The following NREP variants were observed in gnomAD, a reference collection of about 807,000 sequenced individuals.
NREP encodes neuronal regeneration-related protein.
Under a neutral mutation model 8.6 loss-of-function variants are expected in NREP, and 5 were observed. The observed-to-expected ratio is 0.58, with a 90% CI of 0.30 to 1.22. The LOEUF is 1.22. NREP is among the 50% of genes most tolerant of loss of function. The pLI is 0.07. For missense variants in NREP, 86 were observed against 82.5 expected (o/e 1.04, Z -0.17); for synonymous variants, 27 against 28.0 (o/e 0.96, Z 0.11).
intron 2 of NREP, among the ~76,000 whole-genome samples, chr5:111,765,734 T>C (rs1206699826): frequency 6.6e-6 from 1 of 152,204 alleles, no homozygotes; most frequent in East Asian, 1.9e-4. Flanking sequence ...CTTCATCCCT[T>C]GGCATCTCTT....
At chr5:111,763,789 C>T (rs1360756706) in intron 2 of NREP, among the ~76,000 whole-genome samples, 1 of 152,214 alleles carries the variant, frequency 6.6e-6, no homozygotes, top group African/African-American at 2.4e-5. Context: ...TGTGTGCGCG[C>T]ACGCGCATGC....
At chr5:111,887,728 C>G (rs1230349598) in intron 2 of NREP, among the ~76,000 whole-genome samples, 1 of 152,184 alleles carries the variant, frequency 6.6e-6, no homozygotes, top group African/African-American at 2.4e-5. Flanking sequence ...CCAGGAAACT[C>G]GAACTTTAAA....
intron 2 of NREP, among the ~76,000 whole-genome samples, chr5:111,748,690 C>T (rs1750165237): frequency 6.6e-6 from 1 of 152,082 alleles, no homozygotes; most frequent in Non-Finnish European, 1.5e-5. Flanking sequence ...AATTTCATTA[C>T]TGAAAGTTCT....
intron 2 of NREP, among the ~76,000 whole-genome samples, chr5:111,822,619 C>T (rs530724267): frequency 6.8e-4 from 103 of 152,286 alleles, no homozygotes; most frequent in African/African-American, 2.2e-3. Context: ...AAAGTGAATA[C>T]GCTCTAGGAA....
chr5:111,754,688 G>T (rs1247028547), intron 2 of NREP, among the ~76,000 whole-genome samples: 1 of 152,088 alleles, frequency 6.6e-6, no homozygotes, highest in African/African-American at 2.4e-5. Context: ...TTCAAACAAG[G>T]TCCATGTGGT....
chr5:111,786,658 T>G (rs921804996), intron 2 of NREP, among the ~76,000 whole-genome samples: 3 of 152,206 alleles, frequency 2.0e-5, no homozygotes, highest in Non-Finnish European at 4.4e-5. Context: ...TCCTTAAAAT[T>G]TAGCATGAAA....
At chr5:111,864,480 T>C (rs1430478114) in intron 2 of NREP, among the ~76,000 whole-genome samples, 2 of 152,098 alleles carry the variant, frequency 1.3e-5, no homozygotes. Context: ...GAAGGGCAGA[T>C]CCTTAATCTT....
intron 2 of NREP, among the ~76,000 whole-genome samples, chr5:111,930,676 C>T (rs905969245): frequency 6.6e-6 from 1 of 152,178 alleles, no homozygotes; most frequent in African/African-American, 2.4e-5. Context: ...ATTTCCCTCT[C>T]TCCTTGTAAA....
intron 2 of NREP, among the ~76,000 whole-genome samples, chr5:111,905,425 G>A (rs1178162161): frequency 6.6e-6 from 1 of 152,024 alleles, no homozygotes; most frequent in Non-Finnish European, 1.5e-5. Context: ...TTTTAATTGT[G>A]CTAAAATATT....
At chr5:111,924,441 A>C (rs940488265) in intron 2 of NREP, among the ~76,000 whole-genome samples, 2 of 145,620 alleles carry the variant, frequency 1.4e-5, no homozygotes, top group East Asian at 3.9e-4. Context: ...ATTGTGAGTC[A>C]GGGTGTAGTG....
intron 2 of NREP, among the ~76,000 whole-genome samples, chr5:111,823,897 G>T (rs1172389034): frequency 1.3e-5 from 2 of 152,192 alleles, no homozygotes; most frequent in Non-Finnish European, 2.9e-5. Flanking sequence ...CCTAGATACA[G>T]ATGTATTTTT....
chr5:111,920,866 G>A lies in NREP; in HGVS notation c.135+54408C>T, dbSNP rs191710403. On this transcript the variant is annotated intron_variant, in intron 2 of 3. Coordinates refer to the NREP transcript ENST00000395634. Reference sequence around the variant, plus strand: ...TACTGCTGAAAGCAGTTCCCACTGTGTGAGCCATCTTGTCTGAACATGTCC... The same window carrying A: ...TACTGCTGAAAGCAGTTCCCACTGTATGAGCCATCTTGTCTGAACATGTCC... Among the ~76,000 whole-genome samples, 17 of 152,242 alleles carry A rather than the reference G, an allele frequency of 1.1e-4. No individual in the cohort carries two copies. The East Asian group carries it at 3.3e-3, about 30-fold the overall frequency.
At chr5:111,914,741 A>C (rs1377898815) in intron 2 of NREP, among the ~76,000 whole-genome samples, 1 of 152,056 alleles carries the variant, frequency 6.6e-6, no homozygotes, top group Non-Finnish European at 1.5e-5. Flanking sequence ...ACCTGTTCCC[A>C]ACAAGCTGAA....
intron 2 of NREP, chr5:111,974,235 T>A (rs1756900264): frequency 6.6e-6 from 1 of 152,220 alleles, no homozygotes; most frequent in Non-Finnish European, 1.5e-5. Context: ...ATGTTTGGAA[T>A]TAATAGAGGT....
intron 2 of NREP, among the ~76,000 whole-genome samples, chr5:111,749,143 A>T (rs1229616478): frequency 6.6e-6 from 1 of 152,182 alleles, no homozygotes; most frequent in African/African-American, 2.4e-5. Context: ...CTAGAAATAA[A>T]GGATTAATTC....
intron 2 of NREP, among the ~76,000 whole-genome samples, chr5:111,819,237 G>C (rs1355710785): frequency 2.0e-5 from 3 of 152,212 alleles, no homozygotes; most frequent in Non-Finnish European, 4.4e-5. Flanking sequence ...TGAGTCACCT[G>C]TTCTCTAACC....
chr5:111,849,311 G>C (rs111264084), intron 2 of NREP, among the ~76,000 whole-genome samples: 1 of 152,054 alleles, frequency 6.6e-6, no homozygotes, highest in African/African-American at 2.4e-5. Context: ...GAAAAAACAC[G>C]GTGTTCCAGT....
At chr5:111,884,742 G>C (rs1028553850) in intron 2 of NREP, among the ~76,000 whole-genome samples, 4 of 152,238 alleles carry the variant, frequency 2.6e-5, no homozygotes, top group African/African-American at 9.6e-5. Flanking sequence ...TATCTCAATA[G>C]ATGCAGAAAA....
intron 2 of NREP, among the ~76,000 whole-genome samples, chr5:111,953,861 A>G (rs1756234877): frequency 6.6e-6 from 1 of 152,154 alleles, no homozygotes; most frequent in African/African-American, 2.4e-5. Flanking sequence ...AATATGTAAT[A>G]TATTTAGGGA....
Sources: allele counts gnomAD v4.1 joint callset (sites outside exome capture counted in the v4.1 genomes callset), GRCh38; gene constraint gnomAD v4.1.1; transcripts MANE v1.5; gene names NCBI Gene and HGNC (gene_info 2026-07-23, HGNC 2026-07-21).